Variants in NRXN3 observed in about 807,000 individuals in gnomAD.
NRXN3 encodes the protein neurexin 3, also known as neurexin III.
In NRXN3, 32 loss-of-function variants were observed where a neutral mutation model predicts 137.6. The ratio of observed to expected loss-of-function variants is 0.23; its 90% CI spans 0.18 to 0.31. The LOEUF (loss-of-function observed/expected upper bound fraction) is 0.31. Among genes scored for constraint, NRXN3 ranks in the 10% least tolerant of loss-of-function variants. The pLI is 1.00. For synonymous variants in NRXN3, 798 were observed against 784.5 expected, an observed-to-expected ratio of 1.02 and a Z score of -0.29; for missense variants, 1,574 against 2,062.5, an observed-to-expected ratio of 0.76 and a Z score of 4.59.
rs1423737315 is a variant in NRXN3, at chr14:79,643,268, G to A, written c.3445-20510G>A. On this transcript the variant is annotated intron_variant, in intron 16 of 20. Transcript: ENST00000335750. ...AATTATGCTATCTCACCACATCACAGTATAGCTGCTACTATTCCTCCTGTC... is the reference window on the plus strand; with the variant it reads ...AATTATGCTATCTCACCACATCACAATATAGCTGCTACTATTCCTCCTGTC... Among the ~76,000 whole-genome samples, 4 of 135,630 alleles carry A rather than the reference G, an allele frequency of 2.9e-5. 1 individual carries two copies. Among genetic ancestry groups the A allele is most frequent in the African/African-American group, 9.8e-5 (4 of 40,736 alleles). The allele number at this position is 135,630 out of a possible 152,430, so 89.0% of individuals were successfully genotyped here. A position where few individuals can be genotyped will look rare whatever the true frequency, so the allele number is the denominator to read the frequency against.
intron 4 of NRXN3, among the ~76,000 whole-genome samples, chr14:78,544,849 C>T (rs2096623290): frequency 6.6e-6 from 1 of 152,126 alleles, no homozygotes; most frequent in African/African-American, 2.4e-5. Context: ...CAACTTGTTC[C>T]ATCTACAGCA....
chr14:78,338,360 CT>C (rs1183508905), intron 4 of NRXN3, among the ~76,000 whole-genome samples: 8 of 152,218 alleles, frequency 5.3e-5, no homozygotes, highest in African/African-American at 1.9e-4. Flanking sequence ...ATCTCCATCA[CT>C]GAAGAAATTC....
chr14:79,347,712 C>T (rs1343035715), intron 15 of NRXN3, among the ~76,000 whole-genome samples: 3 of 152,136 alleles, frequency 2.0e-5, no homozygotes, highest in African/African-American at 4.8e-5. Flanking sequence ...TGAGCCACCG[C>T]ACCTGGCCAA....
At chr14:78,790,679 G>T (rs964344199) in intron 8 of NRXN3, among the ~76,000 whole-genome samples, 4 of 152,288 alleles carry the variant, frequency 2.6e-5, no homozygotes, top group African/African-American at 9.6e-5. Context: ...GAATGAGCAG[G>T]AGAGTGTCTT....
intron 15 of NRXN3, among the ~76,000 whole-genome samples, chr14:79,239,173 G>T (rs1489951276): frequency 3.9e-5 from 6 of 152,054 alleles, no homozygotes; most frequent in Non-Finnish European, 7.4e-5. Context: ...ATAATAAAAT[G>T]GAAAATTATG....
At chr14:78,957,425 C>T (rs1377438624) in intron 11 of NRXN3, 64 bp downstream of exon 11, 2 of 1,550,604 alleles carry the variant, frequency 1.3e-6, no homozygotes, top group African/African-American at 2.8e-5. Context: ...ACTGAGTGAG[C>T]AAACAGTGTT....
chr14:78,817,988 T>C (rs2098939262), intron 10 of NRXN3, among the ~76,000 whole-genome samples: 2 of 152,160 alleles, frequency 1.3e-5, no homozygotes, highest in Non-Finnish European at 2.9e-5. Flanking sequence ...AATAAATTTT[T>C]AATATCTGAA....
chr14:78,979,171 C>A (rs1383994551), intron 14 of NRXN3, among the ~76,000 whole-genome samples: 1 of 152,072 alleles, frequency 6.6e-6, no homozygotes, highest in African/African-American at 2.4e-5. Flanking sequence ...TTTGTAAATA[C>A]CCTCAAAGAC....
In NRXN3 at chr14:78,384,898, C is replaced by T. The variant is rs377571227; in HGVS notation, c.757+87038C>T. Among the ~76,000 whole-genome samples, 14 of 152,260 alleles carry T rather than the reference C, an allele frequency of 9.2e-5. No homozygotes were observed. In the East Asian group the frequency reaches 1.9e-3, roughly 21 times the overall value. Reference sequence around the variant, plus strand: ...TTGCACCCCACTCTAGACTTTAAGACGTTGGATCTTGATTCAGCATGTAGC... The same window carrying T: ...TTGCACCCCACTCTAGACTTTAAGATGTTGGATCTTGATTCAGCATGTAGC... On this transcript the variant is annotated intron_variant, in intron 4 of 20. Coordinates refer to ENST00000335750, the MANE Select transcript of NRXN3 (RefSeq NM_001330195.2).
At chr14:78,793,943 C>A (rs1490917051) in intron 8 of NRXN3, among the ~76,000 whole-genome samples, 1 of 152,046 alleles carries the variant, frequency 6.6e-6, no homozygotes, top group African/African-American at 2.4e-5. Context: ...CAACTCAGAT[C>A]TTTTGAGTTA....
intron 6 of NRXN3, among the ~76,000 whole-genome samples, chr14:78,694,900 G>A (rs992652652): frequency 2.6e-5 from 4 of 152,020 alleles, no homozygotes; most frequent in African/African-American, 9.7e-5. Context: ...GCAGCAGTGG[G>A]AGGGTGTATT....
intron 15 of NRXN3, among the ~76,000 whole-genome samples, chr14:79,063,420 A>T (rs781424914): frequency 3.9e-5 from 6 of 152,026 alleles, no homozygotes; most frequent in Non-Finnish European, 7.4e-5. Flanking sequence ...AGTAGCTGGG[A>T]TTACAGGTGC....
chr14:79,029,829 G>C (rs1261052308), intron 15 of NRXN3, among the ~76,000 whole-genome samples: 1 of 151,742 alleles, frequency 6.6e-6, no homozygotes, highest in East Asian at 1.9e-4. Flanking sequence ...GGTGCATTAT[G>C]GTTTGTTTGT....
At chr14:78,784,131 A>G (rs1010604048) in intron 8 of NRXN3, among the ~76,000 whole-genome samples, 1 of 152,060 alleles carries the variant, frequency 6.6e-6, no homozygotes, top group East Asian at 1.9e-4. Flanking sequence ...CATGAAAAAT[A>G]AATGAGCTGA....
chr14:78,914,587 C>A (rs2099249954), intron 10 of NRXN3, among the ~76,000 whole-genome samples: 1 of 151,770 alleles, frequency 6.6e-6, no homozygotes, highest in African/African-American at 2.4e-5. Flanking sequence ...GCATTGCAAA[C>A]AGAGGAAGCA....
intron 19 of NRXN3, among the ~76,000 whole-genome samples, chr14:79,706,594 T>TATC (rs2098780728): frequency 6.6e-6 from 1 of 152,116 alleles, no homozygotes; most frequent in Non-Finnish European, 1.5e-5. Context: ...TCTGCTCTCT[T>TATC]ATCTGTAAAC....
Position 79,697,913 on chromosome 14 carries a change from G to A in NRXN3, c.3990G>A (p.Lys1330=), listed in dbSNP as rs1212524041. The stretch of plus-strand genomic sequence containing the variant: ...CAATGGCGACTACCACAACCCGTAA[G>A]AATCGCTCTACAGCCAGCATTCAGG... ...TTTMATTTTR[K]NRSTASIQPT... Residue 1330 remains lysine, a synonymous_variant, in exon 19 of 21, where the codon AAG becomes AAA. Coordinates refer to ENST00000335750, the MANE Select transcript of NRXN3 (RefSeq NM_001330195.2). 2 of 1,612,166 alleles carry A rather than the reference G, an allele frequency of 1.2e-6. No homozygotes were observed. The highest frequency in any genetic ancestry group is 2.2e-5 in the South Asian group (2 of 91,050).
chr14:79,512,060 C>T (rs1472596975), intron 16 of NRXN3, among the ~76,000 whole-genome samples: 4 of 152,172 alleles, frequency 2.6e-5, no homozygotes, highest in South Asian at 2.1e-4. Context: ...CCACCATGCC[C>T]GGCTAATTTT....
At chr14:78,825,190 C>G (rs1396407509) in intron 10 of NRXN3, among the ~76,000 whole-genome samples, 1 of 96,682 alleles carries the variant, frequency 1.0e-5, no homozygotes, top group Non-Finnish European at 1.9e-5. Context: ...GAGCGAGACT[C>G]TGCCTCAAAA....
Sources: allele counts gnomAD v4.1 joint callset (sites outside exome capture counted in the v4.1 genomes callset), GRCh38; gene constraint gnomAD v4.1.1; transcripts MANE v1.5; gene names NCBI Gene and HGNC (gene_info 2026-07-23, HGNC 2026-07-21).